MARCHF1: variants seen among roughly 807,000 people sequenced by gnomAD.
MARCHF1 encodes membrane associated ring-CH-type finger 1.
A neutral mutation model predicts 54.2 loss-of-function variants in MARCHF1; 40 were observed. That is an observed-to-expected ratio of 0.74 (90% CI 0.57 to 0.96). The LOEUF is 0.96. Among genes scored for constraint, MARCHF1 ranks in the 40% least tolerant of loss-of-function variants. The pLI is 0.00. For missense variants in MARCHF1, 586 were observed against 656.5 expected (o/e 0.89, Z 1.17); for synonymous variants, 236 against 236.3 (o/e 1.00, Z 0.01).
chr4:163,966,579 G>A (rs1232475550), intron 3 of MARCHF1, among the ~76,000 whole-genome samples: 1 of 152,134 alleles, frequency 6.6e-6, no homozygotes, highest in East Asian at 1.9e-4. Flanking sequence ...AATATTTCTT[G>A]AGGAGGCAAT....
intron 1 of MARCHF1, among the ~76,000 whole-genome samples, chr4:164,129,186 T>G (rs1224543475): frequency 6.6e-6 from 1 of 152,204 alleles, no homozygotes; most frequent in African/African-American, 2.4e-5. Flanking sequence ...TGGATTTTTG[T>G]GTGGCTTTTC....
At chr4:164,018,986 G>A (rs891968049) in intron 2 of MARCHF1, among the ~76,000 whole-genome samples, 5 of 152,166 alleles carry the variant, frequency 3.3e-5, no homozygotes, top group African/African-American at 1.2e-4. Context: ...TTGTGAAAGT[G>A]TTTGTCTCTT....
At chr4:164,258,684 T>C (rs1026760880) in intron 1 of MARCHF1, among the ~76,000 whole-genome samples, 9 of 152,146 alleles carry the variant, frequency 5.9e-5, no homozygotes, top group African/African-American at 2.2e-4. Flanking sequence ...TTATAATACA[T>C]TTCCATTTTG....
chr4:164,294,423 A>G (rs893108372), intron 1 of MARCHF1, among the ~76,000 whole-genome samples: 1 of 152,188 alleles, frequency 6.6e-6, no homozygotes, highest in Non-Finnish European at 1.5e-5. Flanking sequence ...GACTTCTCAC[A>G]CATAGCTCCA....
chr4:164,365,146 A>G (rs1392604813), intron 1 of MARCHF1, among the ~76,000 whole-genome samples: 1 of 152,024 alleles, frequency 6.6e-6, no homozygotes, highest in East Asian at 1.9e-4. Context: ...GCAATCAGTG[A>G]CACTTCCTAA....
chr4:163,769,641 T>G (rs906371198), intron 4 of MARCHF1, among the ~76,000 whole-genome samples: 22 of 152,204 alleles, frequency 1.4e-4, no homozygotes, highest in Non-Finnish European at 5.9e-5. Context: ...TAAGCAGTAT[T>G]CTAGCCAACT....
intron 4 of MARCHF1, among the ~76,000 whole-genome samples, chr4:163,743,360 C>T (rs1208432760): frequency 1.3e-5 from 2 of 152,180 alleles, no homozygotes; most frequent in African/African-American, 4.8e-5. Context: ...GGCAGAATTT[C>T]CAAGCATCTA....
intron 1 of MARCHF1, among the ~76,000 whole-genome samples, chr4:164,232,468 T>C (rs143904398): frequency 1.2e-3 from 189 of 152,178 alleles, no homozygotes; most frequent in African/African-American, 4.3e-3. Flanking sequence ...TGAACACTAA[T>C]AGCAATGAAT....
At chr4:163,892,424 T>C (rs1442314096) in intron 3 of MARCHF1, among the ~76,000 whole-genome samples, 1 of 152,036 alleles carries the variant, frequency 6.6e-6, no homozygotes, top group Non-Finnish European at 1.5e-5. Context: ...GCCCACCCTG[T>C]AGAGCTTAGT....
At chr4:164,239,440 T>C (rs555681805) in intron 1 of MARCHF1, among the ~76,000 whole-genome samples, 2 of 152,264 alleles carry the variant, frequency 1.3e-5, no homozygotes, top group East Asian at 1.9e-4. Context: ...CAGAGACTTT[T>C]AGTATTTGAT....
chr4:164,177,844 G>T (rs1730731009), intron 1 of MARCHF1, among the ~76,000 whole-genome samples: 1 of 143,818 alleles, frequency 7.0e-6, no homozygotes, highest in South Asian at 2.2e-4. Flanking sequence ...GAGAGACAAA[G>T]AAAGACAGAG....
chr4:164,165,946 T>G (rs989360459), intron 1 of MARCHF1, among the ~76,000 whole-genome samples: 1 of 151,974 alleles, frequency 6.6e-6, no homozygotes, highest in African/African-American at 2.4e-5. Context: ...TTTCAGTTGC[T>G]TTTTTTCATT....
chr4:163,720,383 C>G (rs1745406707), intron 4 of MARCHF1, among the ~76,000 whole-genome samples: 1 of 152,156 alleles, frequency 6.6e-6, no homozygotes. Context: ...TTCCATTGGT[C>G]TATATCTCTG....
chr4:164,238,513 ATATT>A (rs1301938015), intron 1 of MARCHF1, among the ~76,000 whole-genome samples: 2 of 152,062 alleles, frequency 1.3e-5, no homozygotes, highest in Non-Finnish European at 2.9e-5. Context: ...TAGTAAATTT[ATATT>A]TATTTATGCC....
At chr4:163,614,302 C>G (rs1741442947) in intron 5 of MARCHF1, among the ~76,000 whole-genome samples, 1 of 151,976 alleles carries the variant, frequency 6.6e-6, no homozygotes. Context: ...CATTAATGCT[C>G]ACAATAAATC....
At chr4:164,128,114 A>G (rs1309771831) in intron 1 of MARCHF1, among the ~76,000 whole-genome samples, 2 of 152,196 alleles carry the variant, frequency 1.3e-5, no homozygotes, top group African/African-American at 4.8e-5. Context: ...GAAATCAATT[A>G]AAATTGGATC....
chr4:163,796,221 GTTTTTTTT>G (rs36039503), intron 4 of MARCHF1, among the ~76,000 whole-genome samples: 1 of 82,238 alleles, frequency 1.2e-5, no homozygotes, highest in African/African-American at 4.1e-5. Flanking sequence ...GAAACTTCTA[GTTTTTTTT>G]TTTTTTTTTT....
At chr4:164,251,570 C>G (rs190526985) in intron 1 of MARCHF1, among the ~76,000 whole-genome samples, 3 of 152,200 alleles carry the variant, frequency 2.0e-5, no homozygotes, top group South Asian at 4.1e-4. Flanking sequence ...AGTATGTAAA[C>G]GAATGCGGTT....
At chr4:164,015,938 TC>T (rs1472605214) in intron 2 of MARCHF1, among the ~76,000 whole-genome samples, 2 of 151,084 alleles carry the variant, frequency 1.3e-5, no homozygotes, top group Non-Finnish European at 2.9e-5. Flanking sequence ...TACCATGTGA[TC>T]CAACAATCCC....
Sources: gnomAD v4.1 joint callset for allele counts (sites outside exome capture counted in the v4.1 genomes callset) on GRCh38, gnomAD v4.1.1 for gene constraint, MANE v1.5 for transcripts, NCBI Gene and HGNC (gene_info 2026-07-23, HGNC 2026-07-21) for gene names.